CERS3: variants seen among roughly 807,000 people sequenced by gnomAD.
CERS3 encodes the protein LAG1 homolog, ceramide synthase 3.
A neutral mutation model predicts 50.3 loss-of-function variants in CERS3; 33 were observed. The ratio of observed to expected loss-of-function variants is 0.66; its 90% CI spans 0.50 to 0.88. The LOEUF (loss-of-function observed/expected upper bound fraction) is 0.88. Ranked by LOEUF, CERS3 falls within the 40% of genes least tolerant of loss-of-function variation. The pLI, the probability that CERS3 is intolerant of heterozygous loss-of-function variation, is 0.00. For missense variants in CERS3, 470 were observed against 460.3 expected, an observed-to-expected ratio of 1.02 and a Z score of -0.19; for synonymous variants, 176 against 155.2, an observed-to-expected ratio of 1.13 and a Z score of -0.99.
intron 11 of CERS3, among the ~76,000 whole-genome samples, chr15:100,419,480 A>G (rs2032230856): frequency 7.1e-6 from 1 of 141,338 alleles, no homozygotes; most frequent in East Asian, 2.1e-4. Context: ...CACATTAATA[A>G]TGGGAGACTT....
chr15:100,502,899 A>T (rs1294545203), intron 2 of CERS3, among the ~76,000 whole-genome samples: 1 of 152,196 alleles, frequency 6.6e-6, no homozygotes, highest in East Asian at 1.9e-4. Flanking sequence ...ACTGGAAGAA[A>T]AAGTCCTTGA....
At chr15:100,453,768 A>G (rs1279331035) in intron 11 of CERS3, among the ~76,000 whole-genome samples, 6 of 152,220 alleles carry the variant, frequency 3.9e-5, no homozygotes, top group Non-Finnish European at 4.4e-5. Context: ...TCACCAAAAA[A>G]AGCCTTAGAT....
chr15:100,440,153 C>T (rs540759990), intron 11 of CERS3, among the ~76,000 whole-genome samples: 1 of 152,332 alleles, frequency 6.6e-6, no homozygotes, highest in Non-Finnish European at 1.5e-5. Flanking sequence ...CAGGGCCTTT[C>T]CTTCACACCA....
chr15:100,516,039 A>C lies in CERS3; in HGVS notation c.-2+5628T>G, dbSNP rs545627325. Among the ~76,000 whole-genome samples, 4 of 152,276 alleles carry C rather than the reference A, an allele frequency of 2.6e-5. No individual in the cohort carries two copies. In the South Asian group the frequency reaches 8.3e-4, roughly 32 times the overall value. On this transcript the variant is annotated intron_variant, in intron 2 of 11. Transcript: ENST00000679737. ...TGGGAACCTGCTGCCAGTAAGTCAC[A>C]AAGGGCCTAAGGTTAGTCACCTGGT...
At chr15:100,446,378 TTTTC>T (rs56984140) in intron 11 of CERS3, among the ~76,000 whole-genome samples, 3,524 of 143,096 alleles carry the variant, frequency 0.025, 136 homozygotes, top group Admixed American at 0.095. Flanking sequence ...TTTTTTTTTT[TTTTC>T]TTTAGATTAA....
intron 2 of CERS3, among the ~76,000 whole-genome samples, chr15:100,512,895 T>A (rs2036387951): frequency 6.6e-6 from 1 of 152,228 alleles, no homozygotes; most frequent in Non-Finnish European, 1.5e-5. Flanking sequence ...ACTTGAGGTT[T>A]CAGGAAGATG....
At chr15:100,515,176 A>G (rs1481591730) in intron 2 of CERS3, among the ~76,000 whole-genome samples, 2 of 152,244 alleles carry the variant, frequency 1.3e-5, no homozygotes, top group African/African-American at 2.4e-5. Context: ...CACAGATAAT[A>G]TGTGGATTAA....
chr15:100,527,283 C>A (rs903521007), intron 1 of CERS3, among the ~76,000 whole-genome samples: 2 of 152,118 alleles, frequency 1.3e-5, no homozygotes, highest in Non-Finnish European at 2.9e-5. Flanking sequence ...AGTGACAGAG[C>A]AAGACTCCAT....
At chr15:100,541,736 T>C (rs12438674) in intron 1 of CERS3, among the ~76,000 whole-genome samples, 75,795 of 151,722 alleles carry the variant, frequency 0.5, 19,230 homozygotes, top group South Asian at 0.6. Context: ...ATTAGTCTCT[T>C]ATTAAAAAAT....
chr15:100,459,949 T>C (rs2034496869), intron 10 of CERS3, among the ~76,000 whole-genome samples: 1 of 152,152 alleles, frequency 6.6e-6, no homozygotes, highest in Non-Finnish European at 1.5e-5. Flanking sequence ...ATCTGTCCAT[T>C]TTTCTATTGG....
At chr15:100,414,401 C>T (rs544524865) in intron 11 of CERS3, among the ~76,000 whole-genome samples, 2 of 152,234 alleles carry the variant, frequency 1.3e-5, no homozygotes, top group African/African-American at 4.8e-5. Flanking sequence ...CTACCATTGA[C>T]ATTCTTCACA....
chr15:100,474,314 C>T (rs1450787013), intron 8 of CERS3, among the ~76,000 whole-genome samples: 1 of 152,174 alleles, frequency 6.6e-6, no homozygotes, highest in East Asian at 1.9e-4. Context: ...GTTTAAAAAA[C>T]TTAAAGATTT....
At chr15:100,449,447 G>T (rs1037108209) in intron 11 of CERS3, among the ~76,000 whole-genome samples, 1 of 152,158 alleles carries the variant, frequency 6.6e-6, no homozygotes, top group Non-Finnish European at 1.5e-5. Context: ...CTATCTGAAG[G>T]CCCAAGAATC....
chr15:100,476,239 G>A, intron 7 of CERS3, 61 bp from the exon 8 acceptor site: 1 of 1,062,972 alleles, frequency 9.4e-7, no homozygotes, highest in Non-Finnish European at 1.4e-6. Flanking sequence ...TCATTTTAAT[G>A]CACTAAAACC....
intron 11 of CERS3, among the ~76,000 whole-genome samples, chr15:100,416,270 C>T (rs1371271742): frequency 2.6e-5 from 4 of 152,122 alleles, no homozygotes; most frequent in African/African-American, 9.7e-5. Flanking sequence ...CAGAATGGTA[C>T]TGGTACAAAA....
Position 100,489,949 on chromosome 15 carries a change from T to C in CERS3, c.288+868A>G, listed in dbSNP as rs1466242752. 2.6e-5 allele frequency among the ~76,000 whole-genome samples: 4 copies of C among 152,194 alleles called. No individual in the cohort carries two copies. In the East Asian group the frequency reaches 7.7e-4, roughly 29 times the overall value. ...AACCACGAGGAACAAATTAGAGCAATTGTCATAGTAGAGGCAACTTAATTC... is the reference window on the plus strand; with the variant it reads ...AACCACGAGGAACAAATTAGAGCAACTGTCATAGTAGAGGCAACTTAATTC... On this transcript the variant is annotated intron_variant, in intron 4 of 11. Coordinates refer to ENST00000679737, the MANE Select transcript of CERS3 (RefSeq NM_001378789.1).
chr15:100,426,335 T>C (rs1466733704), intron 11 of CERS3, among the ~76,000 whole-genome samples: 1 of 152,204 alleles, frequency 6.6e-6, no homozygotes, highest in East Asian at 1.9e-4. Flanking sequence ...AATAGTCTTA[T>C]AATGAGTGAA....
At chr15:100,506,723 C>A (rs77259352) in intron 2 of CERS3, among the ~76,000 whole-genome samples, 3,653 of 152,180 alleles carry the variant, frequency 0.024, 112 homozygotes, top group Admixed American at 0.09. Context: ...CGTGAAATGT[C>A]CAGAGATATA....
chr15:100,427,782 C>G (rs2032908640), intron 11 of CERS3, among the ~76,000 whole-genome samples: 1 of 152,232 alleles, frequency 6.6e-6, no homozygotes, highest in Non-Finnish European at 1.5e-5. Flanking sequence ...AATATGATGG[C>G]TTGAGCTAGA....
Sources: allele counts gnomAD v4.1 joint callset (sites outside exome capture counted in the v4.1 genomes callset), GRCh38; gene constraint gnomAD v4.1.1; transcripts MANE v1.5; gene names NCBI Gene and HGNC (gene_info 2026-07-23, HGNC 2026-07-21).